Variants in SCAMP4 observed in about 807,000 individuals in gnomAD.
The protein encoded by SCAMP4 is secretory carrier membrane protein 4.
Under a neutral mutation model 32.1 loss-of-function variants are expected in SCAMP4, and 19 were observed. The observed-to-expected ratio is 0.59, with a 90% confidence interval of 0.41 to 0.87. The LOEUF is 0.87. Ranked by LOEUF, SCAMP4 falls within the 40% of genes least tolerant of loss-of-function variation. The probability of loss-of-function intolerance (pLI) is 0.00; values close to 1 mark genes in which losing one functional copy is unlikely to be tolerated. For missense variants in SCAMP4, 302 were observed against 309.0 expected, an observed-to-expected ratio of 0.98 and a Z score of 0.17; for synonymous variants, 152 against 132.7, an observed-to-expected ratio of 1.15 and a Z score of -1.00.
chr19:1,912,824 CA>C, intron 1 of SCAMP4: 1 of 1,590,484 alleles, frequency 6.3e-7, no homozygotes, highest in Non-Finnish European at 8.5e-7. Flanking sequence ...CCTACGACTT[CA>C]GACCCTTCCC....
chr19:1,920,390 A>G, intron 5 of SCAMP4: 1 of 812,828 alleles, frequency 1.2e-6, no homozygotes, highest in Middle Eastern at 6.2e-4. Flanking sequence ...GTTTCCTGGG[A>G]TGGTGACTCC....
chr19:1,917,926 T>A (rs10410479), intron 3 of SCAMP4, 104 bp downstream of exon 3: 1 of 1,494,370 alleles, frequency 6.7e-7, no homozygotes. Flanking sequence ...CACCGTCTAC[T>A]GAAGCCGTCC....
intron 1 of SCAMP4, chr19:1,913,390 C>G: frequency 1.6e-6 from 1 of 622,936 alleles, no homozygotes; most frequent in South Asian, 2.1e-5. Context: ...GTTTGTGTCC[C>G]CTCTGTCTCG....
chr19:1,924,097 T>C lies in SCAMP4; in HGVS notation c.514-11T>C. On this transcript the variant is annotated splice_polypyrimidine_tract_variant and intron_variant, in intron 6 of 6. Transcript: ENST00000316097. ...TTCTGTCTTCTGCCTCCCTGTCCTC[T>C]GTCCTTGCAGGTGCACAGGATCTAC... 1.3e-6 allele frequency: 2 copies of C among 1,592,042 alleles called. No homozygotes were observed. The highest frequency in any genetic ancestry group is 1.7e-6 in the Non-Finnish European group (2 of 1,174,078).
intron 3 of SCAMP4, among the ~76,000 whole-genome samples, 152 bp downstream of exon 3, chr19:1,917,974 C>G (rs924292721): frequency 7.9e-5 from 12 of 152,372 alleles, no homozygotes; most frequent in Middle Eastern, 3.4e-3. Flanking sequence ...AGGCTGGTGT[C>G]CAGGCCCCAG....
At chr19:1,919,016 T>C (rs1224808449) in intron 5 of SCAMP4, 26 bp downstream of exon 5, 4 of 1,583,092 alleles carry the variant, frequency 2.5e-6, no homozygotes, top group Admixed American at 3.6e-5. Context: ...ATGGGCGTGG[T>C]GGCTGTGATG....
rs1307532635 is a variant in SCAMP4, at chr19:1,908,390, GC to G, written c.-42+2955del. On this transcript the variant is annotated intron_variant, in intron 1 of 6. Coordinates refer to ENST00000316097, the MANE Select transcript of SCAMP4 (RefSeq NM_079834.4). The surrounding 1 kb of genome is among the most constrained non-coding windows in gnomAD (Gnocchi z 4.2). ...GCTGCTGGTCCCCCATCTGTGGGGC[GC>G]CCCGGCGGCTGAGGCGTGGACCAGG... The G allele has an allele frequency of 9.7e-6, 4 of 412,888 alleles. No homozygotes were observed. The highest frequency in any genetic ancestry group is 2.0e-5 in the Non-Finnish European group (4 of 198,144). 25.6% of individuals were successfully genotyped at this position (412,888 alleles called of 1,614,324 possible).
At chr19:1,920,762 C>T (rs1009036078) in intron 5 of SCAMP4, 4 of 985,422 alleles carry the variant, frequency 4.1e-6, no homozygotes, top group South Asian at 4.7e-5. Context: ...TCCTGTGAGC[C>T]GCCTCCCCGG....
intron 1 of SCAMP4, chr19:1,913,250 G>A: frequency 7.0e-7 from 1 of 1,430,822 alleles, no homozygotes; most frequent in East Asian, 2.5e-5. Context: ...CCTGACCGTG[G>A]ATTTCAGGGA....
In SCAMP4 at chr19:1,918,986, G is replaced by T. The variant is rs374680019; in HGVS notation, c.391G>T (p.Ala131Ser). 1.2e-6 allele frequency: 2 copies of T among 1,604,904 alleles called. No individual in the cohort carries two copies. The highest frequency in any genetic ancestry group is 2.7e-5 in the African/African-American group (2 of 74,792). ...GGCGATTGGCTTCTCCGGCTGGGGC[G>T]CGTGGTAAGCCTCTCTCTGATGGGC... ...IQAIGFSGWGACGWLSAIGFF... is the reference protein window; with the variant it reads ...IQAIGFSGWGSCGWLSAIGFF... Residue 131 changes from alanine to serine, a missense_variant, in exon 5 of 7, where the codon GCG (alanine) becomes TCG (serine). Transcript: ENST00000316097.
chr19:1,921,077 A>G, intron 5 of SCAMP4: 1 of 985,352 alleles, frequency 1.0e-6, no homozygotes, highest in Non-Finnish European at 1.2e-6. Flanking sequence ...AATGAGAGAA[A>G]TCAAACCACA....
chr19:1,924,275 G>C lies in SCAMP4; in HGVS notation c.681G>C (p.Gln227His). 1.3e-6 allele frequency: 2 copies of C among 1,592,894 alleles called. No homozygotes were observed. Among genetic ancestry groups the C allele is most frequent in the Non-Finnish European group, 1.7e-6 (2 of 1,170,862 alleles). Residue 227 changes from glutamine to histidine, a missense_variant, in exon 7 of 7, where the codon CAG (glutamine) becomes CAC (histidine). Coordinates refer to ENST00000316097, the MANE Select transcript of SCAMP4 (RefSeq NM_079834.4). The part of the protein sequence containing the change: ...PTVPSYPGSG[Q>H]WP ...TGCCCAGCTACCCGGGCAGTGGCCA[G>C]TGGCCTTAGAGGGAGCCTGCCCTGC...
In SCAMP4 at chr19:1,915,966, C is replaced by T. The variant is rs189880057; in HGVS notation, c.7+940C>T. 1.0e-3 allele frequency among the ~76,000 whole-genome samples: 139 copies of T among 139,116 alleles called. 1 individual carries two copies. The highest frequency in any genetic ancestry group is 3.1e-4 in the Non-Finnish European group (20 of 65,422). 91.3% of individuals were successfully genotyped at this position (139,116 alleles called of 152,430 possible). On this transcript the variant is annotated intron_variant, in intron 2 of 6. Coordinates refer to ENST00000316097, the MANE Select transcript of SCAMP4 (RefSeq NM_079834.4). ...TCAGAAAAAAAAAAAAGAGATGGTC[C>T]GGGCGTGGTGGCTCACGCCTGTAAT...
rs2013763880 is a variant in SCAMP4 at position 1,917,299 on chromosome 19, C to T, written c.8-395C>T. 2.0e-5 allele frequency among the ~76,000 whole-genome samples: 3 copies of T among 151,852 alleles called. No homozygotes were observed. In the South Asian group the frequency reaches 6.2e-4, roughly 31 times the overall value. On this transcript the variant is annotated intron_variant, in intron 2 of 6. Coordinates refer to ENST00000316097, the MANE Select transcript of SCAMP4 (RefSeq NM_079834.4). ...CTAGCCTGGGAGACAGCGCGAGACT[C>T]CGTCTCAAAAAAAGAGTCATAAACT...
intron 1 of SCAMP4, chr19:1,913,215 C>T (rs1005241807): frequency 1.4e-5 from 20 of 1,456,798 alleles, no homozygotes; most frequent in Middle Eastern, 4.9e-4. Context: ...CCTGGACTTC[C>T]GGGCCTCGAT....
intron 1 of SCAMP4, chr19:1,912,725 C>T (rs1323251137): frequency 4.6e-6 from 7 of 1,523,426 alleles, no homozygotes; most frequent in South Asian, 1.2e-5. Flanking sequence ...TGCTGGCCAC[C>T]GGCCACGACT....
At position 1,917,831 on chromosome 19, in the gene SCAMP4, G is replaced by A. The variant is rs373110867; in HGVS notation, c.136+9G>A. The A allele has an allele frequency of 9.7e-5, 156 of 1,613,598 alleles. No individual in the cohort carries two copies. Among genetic ancestry groups the A allele is most frequent in the Non-Finnish European group, 1.2e-4 (145 of 1,179,808 alleles). The stretch of plus-strand genomic sequence containing the variant: ...CTACCGGCTGTGGATGTGTGAGTGC[G>A]CCTGGGGGCAGGAGGCGGGAAGCGG... On this transcript the variant is annotated intron_variant, in intron 3 of 6. Transcript: ENST00000316097.
At chr19:1,921,134 C>T (rs1464234332) in intron 5 of SCAMP4, 2 of 985,358 alleles carry the variant, frequency 2.0e-6, no homozygotes, top group East Asian at 1.1e-4. Context: ...AGGCCCCACG[C>T]TCAGTGCGCT....
intron 3 of SCAMP4, 120 bp downstream of exon 3, chr19:1,917,942 C>G: frequency 2.8e-6 from 4 of 1,415,132 alleles, no homozygotes; most frequent in Non-Finnish European, 3.9e-6. Context: ...CGTCCTGGGC[C>G]TGGTGGTCCC....
Sources: allele counts gnomAD v4.1 joint callset (sites outside exome capture counted in the v4.1 genomes callset), GRCh38; gene constraint gnomAD v4.1.1; non-coding constraint Gnocchi (gnomAD v3.1); transcripts MANE v1.5; gene names NCBI Gene and HGNC (gene_info 2026-07-23, HGNC 2026-07-21).